DDX6: variants seen among roughly 807,000 people sequenced by gnomAD.
DDX6 encodes probable ATP-dependent RNA helicase DDX6.
A neutral mutation model predicts 60.6 loss-of-function variants in DDX6; 7 were observed. The ratio of observed to expected loss-of-function variants is 0.12; its 90% CI spans 0.07 to 0.22. The LOEUF is 0.22. Ranked by LOEUF, DDX6 falls within the 10% of genes least tolerant of loss-of-function variation. The pLI is 1.00. For missense variants in DDX6, 270 were observed against 589.9 expected (o/e 0.46, Z 5.62); for synonymous variants, 207 against 201.0 (o/e 1.03, Z -0.25).
At chr11:118,754,046 C>T (rs1361767530) in intron 13 of DDX6, among the ~76,000 whole-genome samples, 2 of 152,058 alleles carry the variant, frequency 1.3e-5, no homozygotes, top group Admixed American at 6.6e-5. Context: ...TGCAGTGGGC[C>T]GTGATTGTGC....
intron 3 of DDX6, 76 bp from the exon 4 acceptor site, chr11:118,779,812 T>C: frequency 1.7e-6 from 2 of 1,150,774 alleles, no homozygotes; most frequent in Non-Finnish European, 2.5e-6. Flanking sequence ...TAAATTTATC[T>C]GTGTTTAAGA....
chr11:118,779,359 T>C (rs1555164219), intron 4 of DDX6, among the ~76,000 whole-genome samples: 1 of 152,146 alleles, frequency 6.6e-6, no homozygotes, highest in African/African-American at 2.4e-5. Context: ...CCATTAATAA[T>C]TAGAATGACA....
At chr11:118,790,601 C>T (rs1862239782) in intron 1 of DDX6, among the ~76,000 whole-genome samples, 1 of 152,130 alleles carries the variant, frequency 6.6e-6, no homozygotes, top group African/African-American at 2.4e-5. Flanking sequence ...CCTTGCCGCC[C>T]CCTTCGGCCT....
chr11:118,784,814 C>G (rs1282533327), intron 2 of DDX6, among the ~76,000 whole-genome samples: 2 of 151,446 alleles, frequency 1.3e-5, no homozygotes, highest in Admixed American at 1.3e-4. Flanking sequence ...TGCAATGGTG[C>G]AATCTCGGCT....
At chr11:118,789,784 T>C (rs886932752) in intron 1 of DDX6, 2 of 152,130 alleles carry the variant, frequency 1.3e-5, no homozygotes, top group South Asian at 2.1e-4. Context: ...ACCTCCTATA[T>C]CCTTAAATCC....
intron 1 of DDX6, chr11:118,788,157 A>T (rs1403203980): frequency 6.6e-6 from 1 of 152,028 alleles, no homozygotes; most frequent in Non-Finnish European, 1.5e-5. Flanking sequence ...AAAATACAAA[A>T]ATTAACTGGG....
At chr11:118,780,503 G>T (rs1156691271) in intron 3 of DDX6, among the ~76,000 whole-genome samples, 2 of 152,114 alleles carry the variant, frequency 1.3e-5, no homozygotes, top group Non-Finnish European at 2.9e-5. Flanking sequence ...TTTTAGTAGA[G>T]ACAGGGTTTC....
intron 7 of DDX6, among the ~76,000 whole-genome samples, chr11:118,760,946 A>C (rs1288916047): frequency 1.3e-5 from 2 of 151,624 alleles, no homozygotes; most frequent in East Asian, 2.0e-4. Context: ...TCAAGACAAG[A>C]CTGGTTGATA....
At chr11:118,757,583 ATATTT>A (rs782355944) in intron 9 of DDX6, among the ~76,000 whole-genome samples, 45 of 150,132 alleles carry the variant, frequency 3.0e-4, no homozygotes, top group Admixed American at 8.0e-4. Flanking sequence ...CCATTTAAAA[ATATTT>A]TATTTTATTT....
At position 118,764,372 on chromosome 11, in the gene DDX6, T is replaced by C. The variant is rs1464397080; in HGVS notation, c.646+837A>G. Among the ~76,000 whole-genome samples, 8 of 152,224 alleles carry C rather than the reference T, an allele frequency of 5.3e-5. 1 individual carries two copies. The highest frequency in any genetic ancestry group is 2.6e-4 in the Admixed American group (4 of 15,282). ...ACTATGTAGAATCCTATTCAGATTA[T>C]ACCTTAACGTATTTAGTTAGCCAAT... On this transcript the variant is annotated intron_variant, in intron 6 of 13. Coordinates refer to ENST00000534980, the MANE Select transcript of DDX6 (RefSeq NM_004397.6).
chr11:118,790,291 A>G (rs1379418100), intron 1 of DDX6: 1 of 152,080 alleles, frequency 6.6e-6, no homozygotes, highest in Non-Finnish European at 1.5e-5. Flanking sequence ...CATAAACACA[A>G]AAGGTTGGGG....
chr11:118,753,722 G>A (rs532418122), intron 13 of DDX6, among the ~76,000 whole-genome samples: 1 of 152,236 alleles, frequency 6.6e-6, no homozygotes, highest in Admixed American at 6.5e-5. Flanking sequence ...TTTTATCAGA[G>A]TGATTAATGT....
chr11:118,763,417 C>A, intron 6 of DDX6, 111 bp from the exon 7 acceptor site: 1 of 823,534 alleles, frequency 1.2e-6, no homozygotes, highest in Non-Finnish European at 2.0e-6. Flanking sequence ...CTGAGAAATG[C>A]ATTGCTATGT....
chr11:118,763,542 G>C (rs1377325138), intron 6 of DDX6, among the ~76,000 whole-genome samples: 1 of 151,936 alleles, frequency 6.6e-6, no homozygotes, highest in Non-Finnish European at 1.5e-5. Context: ...TCTTTTATTA[G>C]AAACAACTAG....
chr11:118,762,343 A>G (rs1190769116), intron 7 of DDX6, among the ~76,000 whole-genome samples: 1 of 1,410 alleles, frequency 7.1e-4, no homozygotes, highest in Admixed American at 0.011. Flanking sequence ...ATGTCAAAAC[A>G]TTAACAACGC....
intron 2 of DDX6, among the ~76,000 whole-genome samples, chr11:118,783,519 T>C (rs567847347): frequency 3.5e-4 from 54 of 152,234 alleles, no homozygotes; most frequent in African/African-American, 1.3e-3. Context: ...AATATTCTCA[T>C]AGGCCAGGTG....
Position 118,779,612 on chromosome 11 carries a change from G to A in DDX6, c.369+20C>T. On this transcript the variant is annotated intron_variant, in intron 4 of 13. Coordinates refer to ENST00000534980, the MANE Select transcript of DDX6 (RefSeq NM_004397.6). ...GGTTGACACATAACCTTACATATGT[G>A]ATAAAAAGGGTTAACATACCTGAAT... 1.3e-6 allele frequency: 2 copies of A among 1,513,242 alleles called. No individual in the cohort carries two copies. Among genetic ancestry groups the A allele is most frequent in the Non-Finnish European group, 1.8e-6 (2 of 1,097,642 alleles). 93.7% of individuals were successfully genotyped at this position (1,513,242 alleles called of 1,614,324 possible). A position where few individuals can be genotyped will look rare whatever the true frequency, so the allele number is the denominator to read the frequency against.
At chr11:118,769,597 A>C (rs1278182855) in intron 4 of DDX6, among the ~76,000 whole-genome samples, 1 of 152,182 alleles carries the variant, frequency 6.6e-6, no homozygotes, top group African/African-American at 2.4e-5. Flanking sequence ...GCAACATGGC[A>C]AGCACCCCCA....
In DDX6 at chr11:118,747,779, GC is replaced by G. The variant is rs1565553200; in HGVS notation, c.*4325del. On this transcript the variant is annotated 3_prime_UTR_variant, in exon 14 of 14. Coordinates refer to ENST00000534980, the MANE Select transcript of DDX6 (RefSeq NM_004397.6). ...ACACACACATTTGGAGTTCCAGTGGGCTTTTATTGAGATAAATTAACAAAAA... is the reference window on the plus strand; with the variant it reads ...ACACACACATTTGGAGTTCCAGTGGGTTTTATTGAGATAAATTAACAAAAA... 1 of 151,998 alleles carries G rather than the reference GC, an allele frequency of 6.6e-6. No homozygotes were observed. The allele number at this position is 151,998 out of a possible 1,614,324, so 9.4% of individuals were successfully genotyped here.
Sources: gnomAD v4.1 joint callset for allele counts (sites outside exome capture counted in the v4.1 genomes callset) on GRCh38, gnomAD v4.1.1 for gene constraint, MANE v1.5 for transcripts, NCBI Gene and HGNC (gene_info 2026-07-23, HGNC 2026-07-21) for gene names.